CCAR1: variants seen among roughly 807,000 people sequenced by gnomAD.
The protein encoded by CCAR1 is cell division cycle and apoptosis regulator 1, also known as cell division cycle and apoptosis regulator protein 1.
Under a neutral mutation model 163.8 loss-of-function variants are expected in CCAR1, and 78 were observed. That is an observed-to-expected ratio of 0.48 (90% confidence interval 0.40 to 0.57). CCAR1 has a LOEUF of 0.57. Ranked by LOEUF, CCAR1 falls within the 20% of genes least tolerant of loss-of-function variation. The probability of loss-of-function intolerance (pLI) is 0.00; values close to 1 mark genes in which losing one functional copy is unlikely to be tolerated. For missense variants in CCAR1, 1,019 were observed against 1,365.2 expected, an observed-to-expected ratio of 0.75 and a Z score of 4.00; for synonymous variants, 443 against 460.7, an observed-to-expected ratio of 0.96 and a Z score of 0.49.
At chr10:68,733,368 G>A (rs1359510247) in intron 2 of CCAR1, among the ~76,000 whole-genome samples, 3 of 152,128 alleles carry the variant, frequency 2.0e-5, no homozygotes, top group African/African-American at 7.2e-5. Context: ...CCAAGATTCT[G>A]CCGCTGCACT....
intron 19 of CCAR1, among the ~76,000 whole-genome samples, chr10:68,781,022 A>G (rs1011757032): frequency 2.0e-5 from 3 of 152,016 alleles, no homozygotes; most frequent in Non-Finnish European, 2.9e-5. Flanking sequence ...ATTTGAGGTT[A>G]GGAGTTTGAA....
chr10:68,772,711 T>G (rs1437612974), intron 18 of CCAR1, among the ~76,000 whole-genome samples: 1 of 150,652 alleles, frequency 6.6e-6, no homozygotes, highest in African/African-American at 2.4e-5. Flanking sequence ...TGAAGGGAAA[T>G]TGTGCCACTG....
At chr10:68,790,422 G>A (rs2056840141) in intron 24 of CCAR1, among the ~76,000 whole-genome samples, 1 of 151,408 alleles carries the variant, frequency 6.6e-6, no homozygotes, top group Non-Finnish European at 1.5e-5. Context: ...ATGTCAACAT[G>A]ATTTAAGTAT....
chr10:68,769,768 C>T (rs1241682643), intron 17 of CCAR1, among the ~76,000 whole-genome samples: 2 of 150,498 alleles, frequency 1.3e-5, no homozygotes, highest in South Asian at 2.1e-4. Context: ...GGTGAAACCT[C>T]GTCTCTACTA....
In CCAR1 at chr10:68,732,680, A is replaced by G. The variant is rs1170079443; in HGVS notation, c.74-4196A>G. 2.6e-5 allele frequency among the ~76,000 whole-genome samples: 4 copies of G among 152,258 alleles called. No homozygotes were observed. The East Asian group carries it at 7.7e-4, about 29-fold the overall frequency. On this transcript the variant is annotated intron_variant, in intron 2 of 24. Transcript: ENST00000265872. ...GTTGTTCTTAACCTTTCTAGGGCCT[A>G]TATATAATCCTTTTGAAAATCGGAT...
intron 1 of CCAR1, chr10:68,721,628 C>T (rs1415060947): frequency 4.5e-6 from 2 of 443,750 alleles, no homozygotes; most frequent in South Asian, 3.2e-5. Flanking sequence ...TGGCGGCTCC[C>T]GGCGGCGTGG....
Position 68,791,725 on chromosome 10 carries a change from T to TA in CCAR1, c.*460dup, listed in dbSNP as rs1408034458. The TA allele has an allele frequency of 1.3e-5, 2 of 153,584 alleles. No homozygotes were observed. The highest frequency in any genetic ancestry group is 2.4e-5 in the African/African-American group (1 of 41,580). 9.5% of individuals were successfully genotyped at this position (153,584 alleles called of 1,614,324 possible). A position where few individuals can be genotyped will look rare whatever the true frequency, so the allele number is the denominator to read the frequency against. On this transcript the variant is annotated 3_prime_UTR_variant, in exon 25 of 25. Coordinates refer to ENST00000265872, the MANE Select transcript of CCAR1 (RefSeq NM_018237.4). ...GTTTTTTGAAACTTTTTGTTTTTTTTACTCATCACCAAAAAATCCCCTCTT... is the reference window on the plus strand; with the variant it reads ...GTTTTTTGAAACTTTTTGTTTTTTTTAACTCATCACCAAAAAATCCCCTCTT...
intron 8 of CCAR1, 25 bp from the exon 9 acceptor site, chr10:68,749,111 C>A: frequency 6.2e-7 from 1 of 1,613,452 alleles, no homozygotes; most frequent in African/African-American, 1.3e-5. Context: ...ACACGCTAAA[C>A]GTTTTTTTCT....
intron 2 of CCAR1, among the ~76,000 whole-genome samples, chr10:68,723,106 AT>A (rs2055883827): frequency 6.7e-6 from 1 of 150,146 alleles, no homozygotes; most frequent in Admixed American, 6.6e-5. Context: ...CCAAACATTT[AT>A]TTTTTTATTT....
intron 24 of CCAR1, 106 bp from the exon 25 acceptor site, chr10:68,791,101 C>T: frequency 1.8e-6 from 1 of 547,964 alleles, no homozygotes. Context: ...TGTTCTTTAT[C>T]ACTAGAAAAA....
At position 68,757,214 on chromosome 10, in the gene CCAR1, C is replaced by A. The variant is rs1247492259; in HGVS notation, c.1837-80C>A. On this transcript the variant is annotated intron_variant, in intron 14 of 24. Transcript: ENST00000265872. ...GAAACATTTGTGACCTTGCACAGAT[C>A]AGCAACAGACTTTTAAAAATAAATT... The A allele has an allele frequency of 7.6e-6, 6 of 786,950 alleles. No individual in the cohort carries two copies. In the Admixed American group the frequency reaches 8.8e-5, roughly 12 times the overall value. The allele number at this position is 786,950 out of a possible 1,614,324, so 48.7% of individuals were successfully genotyped here. A position where few individuals can be genotyped will look rare whatever the true frequency, so the allele number is the denominator to read the frequency against.
intron 6 of CCAR1, among the ~76,000 whole-genome samples, chr10:68,745,123 A>C (rs2056235225): frequency 6.6e-6 from 1 of 152,062 alleles, no homozygotes; most frequent in Admixed American, 6.6e-5. Context: ...CTCCTGCCTC[A>C]GTCTCCCAAG....
chr10:68,721,647 G>A (rs1564524340), intron 1 of CCAR1: 2 of 437,846 alleles, frequency 4.6e-6, no homozygotes, highest in Admixed American at 2.4e-5. Context: ...GGGTCTTGGG[G>A]AATAGAGGCT....
At chr10:68,733,348 T>C (rs2056066220) in intron 2 of CCAR1, among the ~76,000 whole-genome samples, 1 of 152,086 alleles carries the variant, frequency 6.6e-6, no homozygotes, top group Non-Finnish European at 1.5e-5. Flanking sequence ...GAGGTTGAGG[T>C]TGCAGTGAGC....
At chr10:68,760,421 G>A (rs999469884) in intron 15 of CCAR1, among the ~76,000 whole-genome samples, 2 of 152,118 alleles carry the variant, frequency 1.3e-5, no homozygotes, top group African/African-American at 4.8e-5. Flanking sequence ...CCTTAGGGTA[G>A]ACAGCCAGAA....
chr10:68,735,362 G>C (rs369044483), intron 2 of CCAR1, among the ~76,000 whole-genome samples: 1 of 113,784 alleles, frequency 8.8e-6, no homozygotes, highest in Non-Finnish European at 1.7e-5. Context: ...AACACAAACC[G>C]TTTTTGTGCT....
chr10:68,752,795 A>G (rs2056347880), intron 10 of CCAR1, among the ~76,000 whole-genome samples: 1 of 152,094 alleles, frequency 6.6e-6, no homozygotes, highest in Non-Finnish European at 1.5e-5. Flanking sequence ...GCTTGAGCCT[A>G]GGAATTCAGG....
chr10:68,733,976 A>G (rs2056075287), intron 2 of CCAR1, among the ~76,000 whole-genome samples: 2 of 152,116 alleles, frequency 1.3e-5, no homozygotes, highest in African/African-American at 2.4e-5. Context: ...TTTAAAAAAC[A>G]TTTTTTAAAA....
chr10:68,780,645 A>G (rs993803517), intron 19 of CCAR1, among the ~76,000 whole-genome samples: 2 of 152,214 alleles, frequency 1.3e-5, no homozygotes, highest in Non-Finnish European at 2.9e-5. Context: ...AAGCAAGCCT[A>G]TCAGCACCAC....
Sources: allele counts gnomAD v4.1 joint callset (sites outside exome capture counted in the v4.1 genomes callset), GRCh38; gene constraint gnomAD v4.1.1; transcripts MANE v1.5; gene names NCBI Gene and HGNC (gene_info 2026-07-23, HGNC 2026-07-21).